The following SMPX variants were observed in gnomAD, a reference collection of about 807,000 sequenced individuals.
SMPX encodes the protein small muscular protein.
SMPX carries 2 observed loss-of-function variants against 6.3 expected under a neutral mutation model. The observed-to-expected ratio is 0.32, with a 90% CI of 0.13 to 0.99. The LOEUF (loss-of-function observed/expected upper bound fraction) is 0.99. Among genes scored for constraint, SMPX ranks in the 50% least tolerant of loss-of-function variants. The pLI, the probability that SMPX is intolerant of heterozygous loss-of-function variation, is 0.49. For synonymous variants in SMPX, 32 were observed against 24.7 expected, an observed-to-expected ratio of 1.30 and a Z score of -0.88; for missense variants, 60 against 66.8, an observed-to-expected ratio of 0.90 and a Z score of 0.36.
chrX:21,714,967 CT>C (rs754927574), intron 4 of SMPX, among the ~76,000 whole-genome samples: 9 of 110,803 alleles, frequency 8.1e-5, no homozygotes, highest in African/African-American at 1.3e-4. Flanking sequence ...TTTCAAGTAC[CT>C]TTTTTTTAAT....
intron 2 of SMPX, among the ~76,000 whole-genome samples, chrX:21,751,923 C>A (rs2092827825): frequency 2.7e-5 from 3 of 111,988 alleles, no homozygotes; most frequent in Non-Finnish European, 5.6e-5. Context: ...ATTTCATGTA[C>A]CCTACTTAAG....
chrX:21,709,780 T>C (rs1332866921), intron 4 of SMPX, among the ~76,000 whole-genome samples: 1 of 112,051 alleles, frequency 8.9e-6, no homozygotes, highest in Non-Finnish European at 1.9e-5. Context: ...CTGGATGACA[T>C]ATGGCCAGTC....
At chrX:21,748,773 A>G (rs918545088) in intron 2 of SMPX, among the ~76,000 whole-genome samples, 1 of 112,622 alleles carries the variant, frequency 8.9e-6, no homozygotes, top group Admixed American at 9.4e-5. Context: ...CAAATGGCAA[A>G]TGAAAGTTAA....
chrX:21,734,920 T>C (rs746473510), intron 4 of SMPX, among the ~76,000 whole-genome samples: 1 of 112,160 alleles, frequency 8.9e-6, no homozygotes, highest in East Asian at 2.8e-4. Context: ...CTTATGTGTC[T>C]AAAGTACTGT....
intron 4 of SMPX, among the ~76,000 whole-genome samples, chrX:21,709,079 C>T (rs180955850): frequency 1.6e-3 from 183 of 112,289 alleles, no homozygotes; most frequent in African/African-American, 5.7e-3. Flanking sequence ...AGGTTGTTTA[C>T]TAATTTTTTT....
intron 4 of SMPX, chrX:21,727,462 G>A (rs1048541438): frequency 8.9e-6 from 1 of 111,936 alleles, no homozygotes; most frequent in African/African-American, 3.3e-5. Flanking sequence ...CTATTACATC[G>A]GTGACAGGTG....
intron 4 of SMPX, among the ~76,000 whole-genome samples, chrX:21,723,752 A>G (rs940639921): frequency 2.7e-5 from 3 of 111,446 alleles, no homozygotes; most frequent in Non-Finnish European, 5.6e-5. Flanking sequence ...AGTCTGGCCT[A>G]CCACCTCTTG....
At chrX:21,735,472 AC>A (rs1459706294) in intron 4 of SMPX, among the ~76,000 whole-genome samples, 1 of 112,130 alleles carries the variant, frequency 8.9e-6, no homozygotes, top group African/African-American at 3.2e-5. Context: ...AAATAAAGTA[AC>A]AAAAATGTGT....
At chrX:21,726,331 A>G (rs932826481) in intron 4 of SMPX, among the ~76,000 whole-genome samples, 1 of 112,219 alleles carries the variant, frequency 8.9e-6, no homozygotes, top group East Asian at 2.8e-4. Flanking sequence ...CCTTCTCAGC[A>G]GTCAGTACCA....
intron 4 of SMPX, among the ~76,000 whole-genome samples, chrX:21,716,653 C>A (rs1026656254): frequency 8.9e-6 from 1 of 112,285 alleles, no homozygotes; most frequent in Admixed American, 9.4e-5. Flanking sequence ...CCTTTTCTAT[C>A]TTCCAAACAA....
At chrX:21,753,205 A>G (rs1415082110) in intron 2 of SMPX, among the ~76,000 whole-genome samples, 3 of 111,959 alleles carry the variant, frequency 2.7e-5, no homozygotes, top group Non-Finnish European at 5.6e-5. Context: ...GTTCAATGAC[A>G]TGTTTCCAGA....
At chrX:21,743,479 C>T (rs1409309945) in intron 3 of SMPX, among the ~76,000 whole-genome samples, 2 of 111,631 alleles carry the variant, frequency 1.8e-5, no homozygotes, top group African/African-American at 6.5e-5. Context: ...AGTCAATCAA[C>T]AGACTGGAAG....
rs1004165881 is a variant in SMPX at position 21,714,226 on chromosome X, A to G, written c.*15-7832T>C. Among the ~76,000 whole-genome samples the G allele has an allele frequency of 2.7e-5, 3 of 112,251 alleles. No homozygotes were observed. The East Asian group carries it at 8.4e-4, about 31-fold the overall frequency. On this transcript the variant is annotated intron_variant, in intron 4 of 4. Transcript: ENST00000379494. Reference sequence around the variant, plus strand: ...CAAAGATAAACCACCTTCTTAGTTTAAGGGCTCCTTGGAACTTTAAATATA... The same window carrying G: ...CAAAGATAAACCACCTTCTTAGTTTGAGGGCTCCTTGGAACTTTAAATATA...
At chrX:21,739,540 C>A (rs2092813996) in intron 3 of SMPX, among the ~76,000 whole-genome samples, 1 of 112,240 alleles carries the variant, frequency 8.9e-6, no homozygotes, top group South Asian at 3.7e-4. Flanking sequence ...TTTTGTCATG[C>A]ACACACATTT....
chrX:21,745,702 G>A (rs1330959027), intron 2 of SMPX, among the ~76,000 whole-genome samples: 1 of 111,687 alleles, frequency 9.0e-6, no homozygotes, highest in Admixed American at 9.5e-5. Flanking sequence ...AAGTTAACCA[G>A]TTAAAAGTTT....
In SMPX at chrX:21,737,705, G is replaced by T; in HGVS notation, c.133-8C>A. 8.3e-7 allele frequency: 1 copy of T among 1,209,114 alleles called. No homozygotes were observed. Among genetic ancestry groups the T allele is most frequent in the Non-Finnish European group, 1.1e-6 (1 of 893,307 alleles). On this transcript the variant is annotated splice_polypyrimidine_tract_variant and splice_region_variant and intron_variant, in intron 3 of 4. Coordinates refer to ENST00000379494, the MANE Select transcript of SMPX (RefSeq NM_014332.3). ...CGAGGTGGGAGGAACACCCTGAAGA[G>T]CAAGGAGAAGAAATCCAACTCACCA...
At chrX:21,731,372 T>A (rs2092802966) in intron 4 of SMPX, among the ~76,000 whole-genome samples, 1 of 102,846 alleles carries the variant, frequency 9.7e-6, no homozygotes, top group South Asian at 4.5e-4. Flanking sequence ...CAGTGTTTTA[T>A]ATGTGTGTAT....
At chrX:21,736,359 C>T (rs2092810419) in intron 4 of SMPX, among the ~76,000 whole-genome samples, 1 of 111,711 alleles carries the variant, frequency 9.0e-6, no homozygotes, top group African/African-American at 3.3e-5. Context: ...TGCAATCCAT[C>T]TGTAAGGTGT....
At chrX:21,757,266 C>G (rs1014146123) in intron 1 of SMPX, among the ~76,000 whole-genome samples, 18 of 111,574 alleles carry the variant, frequency 1.6e-4, no homozygotes, top group Non-Finnish European at 3.0e-4. Context: ...GCTGTCTGAA[C>G]TGACTAACTC....
Sources: allele counts gnomAD v4.1 joint callset (sites outside exome capture counted in the v4.1 genomes callset), GRCh38; gene constraint gnomAD v4.1.1; transcripts MANE v1.5; gene names NCBI Gene and HGNC (gene_info 2026-07-23, HGNC 2026-07-21).